Variants in NAV2 observed in about 807,000 individuals in gnomAD.
NAV2 encodes neuron navigator 2.
A neutral mutation model predicts 223.2 loss-of-function variants in NAV2; 54 were observed. The observed-to-expected ratio is 0.24, with a 90% CI of 0.19 to 0.30. The LOEUF is 0.30. Ranked by LOEUF, NAV2 falls within the 10% of genes least tolerant of loss-of-function variation. The probability of loss-of-function intolerance (pLI) is 1.00; values close to 1 mark genes in which losing one functional copy is unlikely to be tolerated. For synonymous variants in NAV2, 1,279 were observed against 1,239.3 expected, an observed-to-expected ratio of 1.03 and a Z score of -0.67; for missense variants, 2,806 against 3,147.5, an observed-to-expected ratio of 0.89 and a Z score of 2.60.
chr11:20,023,000 T>G, intron 11 of NAV2: 1 of 1,469,136 alleles, frequency 6.8e-7, no homozygotes. Flanking sequence ...GTGCCTGGGA[T>G]TCCCTGGCCC....
At chr11:19,378,342 A>AC (rs1009324110) in intron 1 of NAV2, among the ~76,000 whole-genome samples, 15 of 148,896 alleles carry the variant, frequency 1.0e-4, no homozygotes, top group Non-Finnish European at 1.8e-4. Context: ...TTTCTTTATT[A>AC]CCCCCCTGCC....
intron 1 of NAV2, among the ~76,000 whole-genome samples, chr11:19,578,083 C>T (rs1190240898): frequency 6.6e-6 from 1 of 152,180 alleles, no homozygotes; most frequent in Admixed American, 6.5e-5. Context: ...AATCCAGCAG[C>T]GTCCCCTCCC....
intron 1 of NAV2, among the ~76,000 whole-genome samples, chr11:19,456,460 A>G (rs1165515972): frequency 6.6e-6 from 1 of 152,194 alleles, no homozygotes; most frequent in African/African-American, 2.4e-5. Context: ...GAAAATGTCC[A>G]TCCTCCCTAA....
At chr11:20,027,380 C>T (rs763138082) in intron 11 of NAV2, 107 of 984,338 alleles carry the variant, frequency 1.1e-4, no homozygotes, top group Non-Finnish European at 1.3e-4. Context: ...TTTTTTGCAA[C>T]TGAATGCAGC....
At chr11:19,717,053 T>C (rs571552449) in intron 1 of NAV2, among the ~76,000 whole-genome samples, 15 of 152,294 alleles carry the variant, frequency 9.8e-5, no homozygotes, top group African/African-American at 3.6e-4. Flanking sequence ...AGAGACTGTC[T>C]TAGAACTTGC....
chr11:19,400,720 G>T (rs1175108306), intron 1 of NAV2, among the ~76,000 whole-genome samples: 1 of 152,122 alleles, frequency 6.6e-6, no homozygotes, highest in Non-Finnish European at 1.5e-5. Flanking sequence ...TGTGAACAGT[G>T]ACCCCTAGGG....
At chr11:19,862,350 G>C (rs2061839480) in intron 3 of NAV2, among the ~76,000 whole-genome samples, 1 of 152,220 alleles carries the variant, frequency 6.6e-6, no homozygotes, top group Admixed American at 6.5e-5. Context: ...CTGGCATAGG[G>C]ACTCATAAGC....
chr11:19,599,999 G>A (rs988876872), intron 1 of NAV2, among the ~76,000 whole-genome samples: 2 of 152,198 alleles, frequency 1.3e-5, no homozygotes, highest in Non-Finnish European at 2.9e-5. Flanking sequence ...TTCAGTACAA[G>A]TAGTTTATTT....
chr11:19,775,599 G>T (rs569248307), intron 1 of NAV2, among the ~76,000 whole-genome samples: 1 of 152,318 alleles, frequency 6.6e-6, no homozygotes, highest in South Asian at 2.1e-4. Context: ...AGGCAGAAAA[G>T]AAACAAGAAT....
At chr11:20,103,454 T>C in intron 33 of NAV2, 45 bp downstream of exon 33, 1 of 1,592,096 alleles carries the variant, frequency 6.3e-7, no homozygotes, top group Non-Finnish European at 8.6e-7. Context: ...GAGAGAGTGC[T>C]GCCAGCTGAT....
chr11:19,426,368 T>A (rs1445201157), intron 1 of NAV2, among the ~76,000 whole-genome samples: 1 of 152,172 alleles, frequency 6.6e-6, no homozygotes, highest in Non-Finnish European at 1.5e-5. Flanking sequence ...TCCTCATCCC[T>A]CTTCTCTGAA....
chr11:19,614,332 T>C (rs555014086), intron 1 of NAV2, among the ~76,000 whole-genome samples: 1 of 152,176 alleles, frequency 6.6e-6, no homozygotes, highest in Non-Finnish European at 1.5e-5. Context: ...AGGACAGAGA[T>C]AAAATCCTCA....
At chr11:20,109,446 G>T (rs7129062) in intron 36 of NAV2, among the ~76,000 whole-genome samples, 3,861 of 152,262 alleles carry the variant, frequency 0.025, 149 homozygotes, top group African/African-American at 0.087. Context: ...CACTGGCGTG[G>T]ATAAATTGAC....
intron 1 of NAV2, among the ~76,000 whole-genome samples, chr11:19,782,844 A>G (rs1017346459): frequency 2.6e-5 from 4 of 152,246 alleles, no homozygotes; most frequent in African/African-American, 7.2e-5. Flanking sequence ...GTTGACAGAT[A>G]TTGTTTAAAC....
chr11:19,731,374 G>T (rs546965560), intron 1 of NAV2, among the ~76,000 whole-genome samples: 1 of 152,356 alleles, frequency 6.6e-6, no homozygotes, highest in African/African-American at 2.4e-5. Flanking sequence ...ATTGCAGTTG[G>T]TGACTATTTA....
At chr11:19,639,719 C>T (rs750878124) in intron 1 of NAV2, among the ~76,000 whole-genome samples, 34 of 152,308 alleles carry the variant, frequency 2.2e-4, no homozygotes, top group Middle Eastern at 3.4e-3. Context: ...AAAGCAACGT[C>T]CTGAGTGTCT....
chr11:19,614,449 G>C (rs1441607327), intron 1 of NAV2, among the ~76,000 whole-genome samples: 1 of 151,770 alleles, frequency 6.6e-6, no homozygotes. Context: ...AGTAGTTTTA[G>C]GTTTACAGCA....
intron 1 of NAV2, among the ~76,000 whole-genome samples, chr11:19,409,082 T>G (rs1199295183): frequency 6.6e-6 from 1 of 152,224 alleles, no homozygotes; most frequent in Non-Finnish European, 1.5e-5. Flanking sequence ...TGTTAAGCCA[T>G]GTAAATCACA....
chr11:19,371,833 A>G (rs1410690426), intron 1 of NAV2, among the ~76,000 whole-genome samples: 1 of 141,950 alleles, frequency 7.0e-6, no homozygotes, highest in Non-Finnish European at 1.5e-5. Flanking sequence ...GCTGGAGTAC[A>G]GTGGTGCAAT....
Sources: allele counts gnomAD v4.1 joint callset (sites outside exome capture counted in the v4.1 genomes callset), GRCh38; gene constraint gnomAD v4.1.1; transcripts MANE v1.5; gene names NCBI Gene and HGNC (gene_info 2026-07-23, HGNC 2026-07-21).